The following BBOX1 variants were observed in gnomAD, a reference collection of about 807,000 sequenced individuals.
BBOX1 encodes gamma-butyrobetaine hydroxylase 1.
In BBOX1, 35 loss-of-function variants were observed where a neutral mutation model predicts 41.6. The ratio of observed to expected loss-of-function variants is 0.84; its 90% CI spans 0.64 to 1.11. BBOX1 has a LOEUF of 1.11. BBOX1 is among the 50% of genes most tolerant of loss of function. The pLI is 0.00. For missense variants in BBOX1, 458 were observed against 460.6 expected (o/e 0.99, Z 0.05); for synonymous variants, 163 against 154.7 (o/e 1.05, Z -0.40).
At chr11:27,105,981 T>C (rs1005305794) in intron 5 of BBOX1, among the ~76,000 whole-genome samples, 12 of 151,970 alleles carry the variant, frequency 7.9e-5, no homozygotes, top group South Asian at 2.1e-4. Context: ...ATTTCATATC[T>C]AGCCAAACTA....
intron 6 of BBOX1, among the ~76,000 whole-genome samples, chr11:27,116,553 T>C (rs561265445): frequency 2.0e-5 from 3 of 152,068 alleles, no homozygotes; most frequent in East Asian, 1.9e-4. Flanking sequence ...TTTTTCAATA[T>C]GGGCTGTATT....
At chr11:27,049,926 T>C (rs1452078302) in intron 2 of BBOX1, among the ~76,000 whole-genome samples, 1 of 152,176 alleles carries the variant, frequency 6.6e-6, no homozygotes, top group Non-Finnish European at 1.5e-5. Flanking sequence ...AAAAAATCCA[T>C]GCCCAGACAA....
intron 2 of BBOX1, among the ~76,000 whole-genome samples, chr11:27,046,620 T>C (rs1851495637): frequency 6.6e-6 from 1 of 151,980 alleles, no homozygotes; most frequent in Non-Finnish European, 1.5e-5. Flanking sequence ...AGAAGAAAAA[T>C]AAGTGTAAAA....
In BBOX1 at chr11:27,049,295, G is replaced by A. The variant is rs1169503360; in HGVS notation, c.-38-6098G>A. Among the ~76,000 whole-genome samples, 3 of 152,094 alleles carry A rather than the reference G, an allele frequency of 2.0e-5. No homozygotes were observed. In the East Asian group the frequency reaches 5.8e-4, roughly 29 times the overall value. On this transcript the variant is annotated intron_variant, in intron 2 of 8. Coordinates refer to ENST00000263182, the MANE Select transcript of BBOX1 (RefSeq NM_003986.3). ...TAACAGATGTGAGATGATCTCATGA[G>A]GTGGTTTTGGTTTGTATTTACCTGA...
rs1219570903 is a variant in BBOX1, at chr11:27,057,182, T to C, written c.220-19T>C. ...GAAATAAAATCCACATAGGTGAAATTTGCTTTTTGTGTTATAAGGTGTACA... is the reference window on the plus strand; with the variant it reads ...GAAATAAAATCCACATAGGTGAAATCTGCTTTTTGTGTTATAAGGTGTACA... On this transcript the variant is annotated intron_variant, in intron 3 of 8. Transcript: ENST00000263182. 40 of 1,511,258 alleles carry C rather than the reference T, an allele frequency of 2.6e-5. No individual in the cohort carries two copies. In the Admixed American group the frequency reaches 7.9e-4, roughly 30 times the overall value. 93.6% of individuals were successfully genotyped at this position (1,511,258 alleles called of 1,614,324 possible). A position where few individuals can be genotyped will look rare whatever the true frequency, so the allele number is the denominator to read the frequency against.
intron 4 of BBOX1, among the ~76,000 whole-genome samples, chr11:27,088,205 C>T (rs1858113348): frequency 6.6e-6 from 1 of 151,962 alleles, no homozygotes. Context: ...CTTGAATGAA[C>T]AATGTAGTCA....
intron 5 of BBOX1, 34 bp from the exon 6 acceptor site, chr11:27,115,418 A>T: frequency 6.5e-7 from 1 of 1,550,034 alleles, no homozygotes; most frequent in South Asian, 1.2e-5. Context: ...CTTAGTGACA[A>T]CCTGTTTAAA....
chr11:27,117,379 G>C (rs1590226065), intron 6 of BBOX1, among the ~76,000 whole-genome samples: 1 of 151,822 alleles, frequency 6.6e-6, no homozygotes, highest in East Asian at 1.9e-4. Flanking sequence ...TTATTTTGTT[G>C]ATTGTAAAAT....
intron 4 of BBOX1, among the ~76,000 whole-genome samples, chr11:27,072,142 C>A (rs1424883975): frequency 6.6e-6 from 1 of 152,156 alleles, no homozygotes; most frequent in Non-Finnish European, 1.5e-5. Flanking sequence ...TCCCTGTTTG[C>A]AGATGACATG....
chr11:27,067,856 T>C (rs1857337828), intron 4 of BBOX1, among the ~76,000 whole-genome samples: 1 of 152,168 alleles, frequency 6.6e-6, no homozygotes. Flanking sequence ...TCTGAGTTAC[T>C]TCATTTAGAA....
chr11:27,054,953 A>G (rs1478145489), intron 2 of BBOX1, among the ~76,000 whole-genome samples: 1 of 152,218 alleles, frequency 6.6e-6, no homozygotes, highest in Non-Finnish European at 1.5e-5. Context: ...TTAGTATCAT[A>G]AAAACATTTT....
intron 6 of BBOX1, among the ~76,000 whole-genome samples, chr11:27,117,953 C>G (rs1859326020): frequency 6.6e-6 from 1 of 151,852 alleles, no homozygotes; most frequent in South Asian, 2.1e-4. Flanking sequence ...ACCCAGGCCT[C>G]CATCTAGTTT....
chr11:27,101,091 G>A (rs1023479314), intron 5 of BBOX1, among the ~76,000 whole-genome samples: 3 of 152,076 alleles, frequency 2.0e-5, no homozygotes, highest in African/African-American at 7.2e-5. Flanking sequence ...ACCCAGGTTT[G>A]CTTGACTCAA....
chr11:27,074,017 CA>C (rs1403203676), intron 4 of BBOX1, among the ~76,000 whole-genome samples: 1 of 151,946 alleles, frequency 6.6e-6, no homozygotes, highest in Non-Finnish European at 1.5e-5. Flanking sequence ...ACATGTGTAA[CA>C]AACCTGCATG....
At chr11:27,096,047 A>G (rs1293055500) in intron 5 of BBOX1, among the ~76,000 whole-genome samples, 1 of 151,954 alleles carries the variant, frequency 6.6e-6, no homozygotes. Context: ...GGACTCTTCA[A>G]AACTCTGCAG....
chr11:27,113,616 G>C (rs1357075111), intron 5 of BBOX1, among the ~76,000 whole-genome samples: 1 of 151,704 alleles, frequency 6.6e-6, no homozygotes, highest in Non-Finnish European at 1.5e-5. Context: ...GTACACATGG[G>C]CACAAAGAAG....
intron 4 of BBOX1, among the ~76,000 whole-genome samples, chr11:27,090,606 G>A (rs990346406): frequency 6.6e-6 from 1 of 151,904 alleles, no homozygotes; most frequent in Non-Finnish European, 1.5e-5. Flanking sequence ...ATTTTCAGCG[G>A]TGCACGTATT....
intron 6 of BBOX1, among the ~76,000 whole-genome samples, 196 bp downstream of exon 6, chr11:27,115,753 CAT>C (rs1355471394): frequency 1.3e-5 from 2 of 151,858 alleles, no homozygotes; most frequent in Admixed American, 1.3e-4. Context: ...AGGATAATTT[CAT>C]TCATTTAAAA....
chr11:27,080,618 C>T (rs1222049331), intron 4 of BBOX1, among the ~76,000 whole-genome samples: 1 of 152,036 alleles, frequency 6.6e-6, no homozygotes, highest in African/African-American at 2.4e-5. Flanking sequence ...ACCTATAATA[C>T]ATCAAGTAAT....
Sources: gnomAD v4.1 joint callset for allele counts (sites outside exome capture counted in the v4.1 genomes callset) on GRCh38, gnomAD v4.1.1 for gene constraint, MANE v1.5 for transcripts, NCBI Gene and HGNC (gene_info 2026-07-23, HGNC 2026-07-21) for gene names.